BTRC: variants seen among roughly 807,000 people sequenced by gnomAD.
BTRC encodes beta-transducin repeat containing E3 ubiquitin protein ligase.
Under a neutral mutation model 85.5 loss-of-function variants are expected in BTRC, and 42 were observed. The observed-to-expected ratio is 0.49, with a 90% CI of 0.38 to 0.64. BTRC has a LOEUF of 0.64. Ranked by LOEUF, BTRC falls within the 30% of genes least tolerant of loss-of-function variation. BTRC has a pLI of 0.00. For missense variants in BTRC, 594 were observed against 743.5 expected, an observed-to-expected ratio of 0.80 and a Z score of 2.34; for synonymous variants, 255 against 263.3, an observed-to-expected ratio of 0.97 and a Z score of 0.30.
At chr10:101,411,972 T>C (rs757634189) in intron 1 of BTRC, among the ~76,000 whole-genome samples, 3 of 152,346 alleles carry the variant, frequency 2.0e-5, no homozygotes, top group Middle Eastern at 3.4e-3. Context: ...TATTCTAGTG[T>C]AGTTCATCCC....
intron 5 of BTRC, among the ~76,000 whole-genome samples, chr10:101,524,907 T>C (rs1341333920): frequency 6.6e-6 from 1 of 152,164 alleles, no homozygotes; most frequent in Non-Finnish European, 1.5e-5. Flanking sequence ...GTGACTGATA[T>C]CCATACAATC....
intron 2 of BTRC, among the ~76,000 whole-genome samples, chr10:101,431,070 C>T (rs1435593690): frequency 1.3e-3 from 92 of 71,334 alleles, no homozygotes; most frequent in Admixed American, 2.3e-3. Flanking sequence ...CTCAGCCTTT[C>T]TTTTTTTTTT....
intron 1 of BTRC, among the ~76,000 whole-genome samples, chr10:101,388,645 A>T (rs1163051148): frequency 2.0e-5 from 3 of 151,476 alleles, no homozygotes; most frequent in African/African-American, 7.3e-5. Flanking sequence ...GCCCACCACC[A>T]CGCTTGGCTA....
rs71016314 is a variant in BTRC at position 101,381,962 on chromosome 10, C to CTTTTTT, written c.48+27767_48+27772dup. Among the ~76,000 whole-genome samples the CTTTTTT allele has an allele frequency of 5.3e-4, 26 of 49,154 alleles. 6 individuals are homozygous for CTTTTTT. The highest frequency in any genetic ancestry group is 2.2e-3 in the African/African-American group (20 of 8,976). The allele number at this position is 49,154 out of a possible 152,430, so 32.2% of individuals were successfully genotyped here. On this transcript the variant is annotated intron_variant, in intron 1 of 14. Transcript: ENST00000370187. ...GAACCCCTAGTTATCCTAAGAATGT[C>CTTTTTT]TTTTTTTTTTTTTTTTTTTTTTTTT...
chr10:101,475,397 G>A (rs1302522688), intron 3 of BTRC, among the ~76,000 whole-genome samples: 3 of 151,996 alleles, frequency 2.0e-5, no homozygotes, highest in African/African-American at 7.2e-5. Flanking sequence ...AAAATTAGCC[G>A]GCCGTGGTGG....
At chr10:101,388,431 A>G (rs778406203) in intron 1 of BTRC, among the ~76,000 whole-genome samples, 37 of 151,860 alleles carry the variant, frequency 2.4e-4, no homozygotes, top group Admixed American at 1.2e-3. Context: ...GCCTGAAACA[A>G]TCTTCCTGCT....
intron 1 of BTRC, among the ~76,000 whole-genome samples, chr10:101,417,427 G>T (rs1332955611): frequency 6.6e-6 from 1 of 152,156 alleles, no homozygotes; most frequent in Non-Finnish European, 1.5e-5. Flanking sequence ...TCCAAATTAG[G>T]TATCTTCGAC....
intron 4 of BTRC, among the ~76,000 whole-genome samples, chr10:101,509,983 T>C (rs1296646775): frequency 1.3e-5 from 2 of 151,570 alleles, no homozygotes; most frequent in East Asian, 3.9e-4. Flanking sequence ...CTGGCCAGCA[T>C]GGTAAAACCC....
chr10:101,430,705 A>T (rs1248128786), intron 2 of BTRC, among the ~76,000 whole-genome samples: 9 of 152,242 alleles, frequency 5.9e-5, no homozygotes, highest in Non-Finnish European at 1.3e-4. Flanking sequence ...TGGCTTTCAG[A>T]TCAAGTAGAA....
chr10:101,404,720 C>T (rs1943577531), intron 1 of BTRC, among the ~76,000 whole-genome samples: 1 of 152,016 alleles, frequency 6.6e-6, no homozygotes, highest in African/African-American at 2.4e-5. Context: ...TATGCCTGGC[C>T]GAGTGCAGTG....
chr10:101,436,373 G>A (rs1459208656), intron 2 of BTRC, among the ~76,000 whole-genome samples: 2 of 152,254 alleles, frequency 1.3e-5, no homozygotes, highest in South Asian at 2.1e-4. Context: ...GGCCGGGCAC[G>A]GTGATGCACG....
chr10:101,532,224 C>T (rs959478279), intron 7 of BTRC, 71 bp from the exon 8 acceptor site: 1 of 1,495,220 alleles, frequency 6.7e-7, no homozygotes, highest in African/African-American at 1.4e-5. Flanking sequence ...CATTGATTGT[C>T]ATTAAAGCCT....
chr10:101,521,589 C>A, intron 4 of BTRC, 50 bp from the exon 5 acceptor site: 4 of 1,325,528 alleles, frequency 3.0e-6, no homozygotes, highest in Non-Finnish European at 4.2e-6. Context: ...ATATATTTCC[C>A]TCATTTTCAA....
At chr10:101,389,142 T>TTTTTTTTTTTTTTC (rs1943170044) in intron 1 of BTRC, among the ~76,000 whole-genome samples, 1 of 143,032 alleles carries the variant, frequency 7.0e-6, no homozygotes, top group Non-Finnish European at 1.5e-5. Flanking sequence ...TTTTTTTTTT[T>TTTTTTTTTTTTTTC]TTTTTTGCTG....
intron 1 of BTRC, among the ~76,000 whole-genome samples, chr10:101,366,938 TTATATATATTTATA>T (rs1942441321): frequency 6.8e-5 from 2 of 29,254 alleles, no homozygotes; most frequent in South Asian, 1.5e-3. Flanking sequence ...TTATATATAT[TTATATATATTTATA>T]TATATATTTA....
chr10:101,396,522 G>A (rs955812459), intron 1 of BTRC, among the ~76,000 whole-genome samples: 2 of 149,798 alleles, frequency 1.3e-5, no homozygotes, highest in Non-Finnish European at 2.9e-5. Flanking sequence ...CTACTCACTT[G>A]TTCTGTGGTA....
intron 11 of BTRC, among the ~76,000 whole-genome samples, chr10:101,535,685 G>T (rs759722138): frequency 5.3e-5 from 8 of 152,156 alleles, no homozygotes; most frequent in Non-Finnish European, 1.2e-4. Flanking sequence ...CCTGTCTACC[G>T]TTGAAAAGTG....
At chr10:101,479,321 G>A in intron 3 of BTRC, 47 bp from the exon 4 acceptor site, 2 of 1,384,568 alleles carry the variant, frequency 1.4e-6, no homozygotes, top group Middle Eastern at 1.8e-4. Flanking sequence ...GGATATGGCA[G>A]TATTTCAATA....
intron 7 of BTRC, among the ~76,000 whole-genome samples, 153 bp from the exon 8 acceptor site, chr10:101,532,136 AATATAG>A (rs2062292977): frequency 6.6e-6 from 1 of 152,060 alleles, no homozygotes; most frequent in Non-Finnish European, 1.5e-5. Flanking sequence ...ATATTTTATA[AATATAG>A]ATAGTAGCCT....
Sources: gnomAD v4.1 joint callset for allele counts (sites outside exome capture counted in the v4.1 genomes callset) on GRCh38, gnomAD v4.1.1 for gene constraint, MANE v1.5 for transcripts, NCBI Gene and HGNC (gene_info 2026-07-23, HGNC 2026-07-21) for gene names.